RBFOX1: variants seen among roughly 807,000 people sequenced by gnomAD.
RBFOX1 encodes RNA binding protein fox-1 homolog 1.
RBFOX1 carries 8 observed loss-of-function variants against 57.7 expected under a neutral mutation model. That is an observed-to-expected ratio of 0.14 (90% confidence interval 0.08 to 0.25). RBFOX1 has a LOEUF of 0.25. RBFOX1 is among the 10% of genes least tolerant of loss of function. The pLI, the probability that RBFOX1 is intolerant of heterozygous loss-of-function variation, is 1.00. For synonymous variants in RBFOX1, 326 were observed against 222.4 expected (o/e 1.47, Z -4.15); for missense variants, 611 against 548.5 (o/e 1.11, Z -1.14).
intron 2 of RBFOX1, among the ~76,000 whole-genome samples, chr16:6,603,526 G>A (rs572362403): frequency 6.6e-6 from 1 of 152,256 alleles, no homozygotes; most frequent in Admixed American, 6.5e-5. Flanking sequence ...GAGAGCTTTA[G>A]AAAACATGCA....
intron 4 of RBFOX1, among the ~76,000 whole-genome samples, chr16:7,107,655 C>G (rs1243207010): frequency 1.3e-5 from 2 of 152,098 alleles, no homozygotes; most frequent in African/African-American, 4.8e-5. Context: ...CTCCCCAAAA[C>G]AACCACCAAT....
intron 13 of RBFOX1, among the ~76,000 whole-genome samples, chr16:7,670,567 G>A (rs923582987): frequency 1.3e-5 from 2 of 152,122 alleles, no homozygotes; most frequent in Non-Finnish European, 2.9e-5. Flanking sequence ...AATAATATTT[G>A]TACTGGAAAT....
intron 3 of RBFOX1, among the ~76,000 whole-genome samples, chr16:5,768,300 A>C (rs2053857087): frequency 6.6e-6 from 1 of 152,202 alleles, no homozygotes; most frequent in Non-Finnish European, 1.5e-5. Context: ...TGTGCATCAA[A>C]TGGGGGCCGC....
intron 4 of RBFOX1, among the ~76,000 whole-genome samples, chr16:7,267,267 G>A (rs559774413): frequency 9.2e-5 from 14 of 152,032 alleles, no homozygotes; most frequent in Non-Finnish European, 1.8e-4. Context: ...GGGCACGGTG[G>A]CTCATGCCTG....
intron 5 of RBFOX1, among the ~76,000 whole-genome samples, chr16:7,548,782 A>G (rs1436063698): frequency 2.0e-5 from 3 of 152,154 alleles, no homozygotes; most frequent in African/African-American, 7.2e-5. Context: ...CTCTGTCTGG[A>G]GTTGTCAGCC....
chr16:7,095,897 C>A (rs1381195431), intron 4 of RBFOX1, among the ~76,000 whole-genome samples: 1 of 151,316 alleles, frequency 6.6e-6, no homozygotes, highest in Non-Finnish European at 1.5e-5. Flanking sequence ...TCTGTAATCC[C>A]AGCTACTTGG....
At chr16:6,844,791 A>G (rs1045061917) in intron 3 of RBFOX1, among the ~76,000 whole-genome samples, 1 of 152,198 alleles carries the variant, frequency 6.6e-6, no homozygotes, top group Non-Finnish European at 1.5e-5. Flanking sequence ...GAACTAATTT[A>G]CACTGCCTCC....
At position 6,563,553 on chromosome 16, in the gene RBFOX1, T is replaced by C. The variant is rs148282747; in HGVS notation, c.-63-91050T>C. On this transcript the variant is annotated intron_variant, in intron 2 of 15. Transcript: ENST00000550418. ...TATGGTCAGGAGTTGGGTAAGCCGA[T>C]AAAAAGATGGCTGGGTGTGGTGGCT... Among the ~76,000 whole-genome samples the C allele has an allele frequency of 1.8e-3, 280 of 152,224 alleles. 1 individual carries two copies. Among genetic ancestry groups the C allele is most frequent in the Middle Eastern group, 6.8e-3 (2 of 294 alleles).
chr16:5,707,466 G>A (rs1222638875), intron 3 of RBFOX1, among the ~76,000 whole-genome samples: 2 of 152,190 alleles, frequency 1.3e-5, no homozygotes, highest in African/African-American at 2.4e-5. Flanking sequence ...ATTGAGTTTA[G>A]TAACCACTAA....
intron 2 of RBFOX1, among the ~76,000 whole-genome samples, chr16:6,557,165 A>G (rs929471906): frequency 8.0e-6 from 1 of 124,328 alleles, no homozygotes; most frequent in Non-Finnish European, 1.6e-5. Context: ...ATATATACAC[A>G]TATATATATA....
chr16:6,013,163 A>T (rs1426047445), intron 4 of RBFOX1, among the ~76,000 whole-genome samples: 1 of 152,170 alleles, frequency 6.6e-6, no homozygotes, highest in Non-Finnish European at 1.5e-5. Flanking sequence ...GTAGATATGG[A>T]ATATGAACGC....
Position 7,712,854 on chromosome 16 carries a change from A to G in RBFOX1, c.*2109A>G, listed in dbSNP as rs1457016102. On this transcript the variant is annotated 3_prime_UTR_variant, in exon 16 of 16. Coordinates refer to ENST00000550418, the MANE Select transcript of RBFOX1 (RefSeq NM_018723.4). ...TCAGATTTCAAAATCCAGAATTTGT[A>G]TTGTGTTTCGAATCACAAACATAGA... 2 of 152,242 alleles carry G rather than the reference A, an allele frequency of 1.3e-5. No individual in the cohort carries two copies. The highest frequency in any genetic ancestry group is 2.4e-5 in the African/African-American group (1 of 41,474). The allele number at this position is 152,242 out of a possible 1,614,324, so 9.4% of individuals were successfully genotyped here. A position where few individuals can be genotyped will look rare whatever the true frequency, so the allele number is the denominator to read the frequency against.
At chr16:6,981,491 A>T (rs2088859207) in intron 3 of RBFOX1, among the ~76,000 whole-genome samples, 1 of 152,188 alleles carries the variant, frequency 6.6e-6, no homozygotes, top group South Asian at 2.1e-4. Flanking sequence ...TATCCAGTGT[A>T]TTAGTCTGTT....
intron 4 of RBFOX1, among the ~76,000 whole-genome samples, chr16:7,276,737 G>T (rs1171022954): frequency 1.3e-5 from 2 of 152,116 alleles, no homozygotes. Flanking sequence ...ATTCACCTTT[G>T]TTCCCACCTA....
At chr16:5,966,164 C>T (rs1273450010) in intron 4 of RBFOX1, among the ~76,000 whole-genome samples, 2 of 152,022 alleles carry the variant, frequency 1.3e-5, no homozygotes, top group African/African-American at 4.8e-5. Context: ...TGAATTTTCA[C>T]AAGTGAATAC....
intron 3 of RBFOX1, among the ~76,000 whole-genome samples, chr16:5,810,965 C>G (rs1035155385): frequency 2.1e-4 from 32 of 152,144 alleles, no homozygotes; most frequent in African/African-American, 7.2e-4. Flanking sequence ...ACCATCACCA[C>G]AGTCAGGATA....
intron 3 of RBFOX1, among the ~76,000 whole-genome samples, chr16:6,683,798 C>A (rs2059026360): frequency 6.6e-6 from 1 of 152,194 alleles, no homozygotes; most frequent in East Asian, 1.9e-4. Context: ...TGCAATCCTC[C>A]TTCCACCAGT....
chr16:7,150,115 C>T (rs1196180179), intron 4 of RBFOX1, among the ~76,000 whole-genome samples: 2 of 152,158 alleles, frequency 1.3e-5, no homozygotes, highest in Non-Finnish European at 2.9e-5. Flanking sequence ...TGTGCTTATT[C>T]CGGTCATAGG....
chr16:6,203,997 G>A (rs1183700104), intron 1 of RBFOX1, among the ~76,000 whole-genome samples: 6 of 102,922 alleles, frequency 5.8e-5, no homozygotes, highest in South Asian at 3.1e-4. Flanking sequence ...TTTTTTTTTC[G>A]TGAATGACTA....
Sources: allele counts gnomAD v4.1 joint callset (sites outside exome capture counted in the v4.1 genomes callset), GRCh38; gene constraint gnomAD v4.1.1; transcripts MANE v1.5; gene names NCBI Gene and HGNC (gene_info 2026-07-23, HGNC 2026-07-21).